PLA2G4A: variants seen among roughly 807,000 people sequenced by gnomAD.
PLA2G4A encodes phospholipase A2 group IVA.
In PLA2G4A, 40 loss-of-function variants were observed where a neutral mutation model predicts 81.9. The observed-to-expected ratio is 0.49, with a 90% CI of 0.38 to 0.64. The LOEUF is 0.64. Ranked by LOEUF, PLA2G4A falls within the 30% of genes least tolerant of loss-of-function variation. The pLI is 0.00. For missense variants in PLA2G4A, 715 were observed against 905.1 expected (o/e 0.79, Z 2.69); for synonymous variants, 302 against 296.9 (o/e 1.02, Z -0.18).
chr1:186,970,661 A>G (rs1156500384), intron 15 of PLA2G4A, among the ~76,000 whole-genome samples: 1 of 151,978 alleles, frequency 6.6e-6, no homozygotes, highest in Non-Finnish European at 1.5e-5. Flanking sequence ...TTTTGAAGAG[A>G]CTATCCCTTC....
At chr1:186,927,964 G>C (rs1402759642) in intron 7 of PLA2G4A, among the ~76,000 whole-genome samples, 3 of 152,098 alleles carry the variant, frequency 2.0e-5, no homozygotes, top group Non-Finnish European at 4.4e-5. Context: ...TCTTTCAGTT[G>C]GTAAAGGTCG....
At chr1:186,856,671 A>G (rs994989688) in intron 2 of PLA2G4A, among the ~76,000 whole-genome samples, 2 of 152,008 alleles carry the variant, frequency 1.3e-5, no homozygotes, top group African/African-American at 4.8e-5. Context: ...TAATAACCAT[A>G]AGATAATGTA....
At chr1:186,897,720 G>T (rs569601184) in intron 5 of PLA2G4A, among the ~76,000 whole-genome samples, 1 of 152,178 alleles carries the variant, frequency 6.6e-6, no homozygotes, top group Non-Finnish European at 1.5e-5. Flanking sequence ...TGTTGGCCAG[G>T]CTGGTCTCAA....
chr1:186,852,861 C>T (rs1020170224), intron 1 of PLA2G4A, among the ~76,000 whole-genome samples: 31 of 151,732 alleles, frequency 2.0e-4, no homozygotes, highest in African/African-American at 5.6e-4. Context: ...AATAAGAAAA[C>T]GCAAAACAAA....
chr1:186,984,054 T>C (rs1460013525), intron 17 of PLA2G4A, among the ~76,000 whole-genome samples: 1 of 152,174 alleles, frequency 6.6e-6, no homozygotes, highest in Admixed American at 6.5e-5. Flanking sequence ...GAACAGTGAC[T>C]TGCTTTATTT....
chr1:186,893,794 C>T (rs1297858704), intron 4 of PLA2G4A, among the ~76,000 whole-genome samples: 1 of 151,430 alleles, frequency 6.6e-6, no homozygotes, highest in African/African-American at 2.4e-5. Flanking sequence ...TGTGGTGGCG[C>T]TTGCTTGTAA....
intron 1 of PLA2G4A, among the ~76,000 whole-genome samples, chr1:186,832,720 TTTTCTC>T (rs1462618692): frequency 2.6e-5 from 4 of 152,200 alleles, no homozygotes; most frequent in African/African-American, 4.8e-5. Context: ...TTTAAAAAAT[TTTTCTC>T]TTTCAATTTC....
chr1:186,852,297 A>G (rs752488775), intron 1 of PLA2G4A, among the ~76,000 whole-genome samples: 28 of 151,996 alleles, frequency 1.8e-4, no homozygotes, highest in Non-Finnish European at 3.8e-4. Context: ...TGCCAATTTT[A>G]AATAATACAG....
chr1:186,881,369 AG>A (rs1558395884), intron 3 of PLA2G4A, among the ~76,000 whole-genome samples: 2 of 152,100 alleles, frequency 1.3e-5, no homozygotes, highest in African/African-American at 4.8e-5. Flanking sequence ...GCAATGCTCA[AG>A]TTGTTGTAAA....
At chr1:186,897,929 C>G (rs954398005) in intron 5 of PLA2G4A, among the ~76,000 whole-genome samples, 1 of 152,118 alleles carries the variant, frequency 6.6e-6, no homozygotes, top group Non-Finnish European at 1.5e-5. Flanking sequence ...AACATGGTAT[C>G]CAATAGGTAG....
intron 2 of PLA2G4A, among the ~76,000 whole-genome samples, chr1:186,857,344 A>G (rs1401205889): frequency 4.1e-5 from 5 of 123,130 alleles, no homozygotes; most frequent in Non-Finnish European, 8.0e-5. Context: ...AATATTATAT[A>G]TATTATAAAT....
intron 7 of PLA2G4A, among the ~76,000 whole-genome samples, chr1:186,923,430 C>T (rs1307492538): frequency 1.3e-5 from 2 of 152,150 alleles, no homozygotes; most frequent in Admixed American, 1.3e-4. Context: ...ATTACAAATT[C>T]TTTTCATTTC....
At chr1:186,898,975 C>T (rs1029457774) in intron 5 of PLA2G4A, among the ~76,000 whole-genome samples, 2 of 152,110 alleles carry the variant, frequency 1.3e-5, no homozygotes, top group Non-Finnish European at 2.9e-5. Flanking sequence ...TTAGGCACTG[C>T]CTATTTCAGC....
At chr1:186,865,639 T>C (rs1025567505) in intron 2 of PLA2G4A, among the ~76,000 whole-genome samples, 2 of 152,184 alleles carry the variant, frequency 1.3e-5, no homozygotes, top group Non-Finnish European at 2.9e-5. Context: ...TTAGGTTGAA[T>C]AGAGAAAAAC....
chr1:186,974,201 A>T (rs913354801), intron 15 of PLA2G4A, among the ~76,000 whole-genome samples: 4 of 152,174 alleles, frequency 2.6e-5, no homozygotes, highest in African/African-American at 9.6e-5. Context: ...TTTACAAATA[A>T]CATTTATTTA....
intron 7 of PLA2G4A, among the ~76,000 whole-genome samples, chr1:186,930,025 C>T (rs954968895): frequency 2.0e-5 from 3 of 152,272 alleles, no homozygotes; most frequent in Middle Eastern, 3.4e-3. Flanking sequence ...AACCCCGTCT[C>T]TATGCCAGTA....
intron 10 of PLA2G4A, among the ~76,000 whole-genome samples, chr1:186,945,537 A>G (rs2102231141): frequency 6.6e-6 from 1 of 152,280 alleles, no homozygotes; most frequent in East Asian, 1.9e-4. Flanking sequence ...GAATACAGCA[A>G]TTTGTATCAG....
chr1:186,858,689 T>C (rs1430234640), intron 2 of PLA2G4A, among the ~76,000 whole-genome samples: 10 of 152,126 alleles, frequency 6.6e-5, no homozygotes, highest in African/African-American at 2.4e-4. Context: ...ATTTAGGCTA[T>C]AGTAATTACC....
chr1:186,977,144 G>T (rs1176045200), intron 15 of PLA2G4A, among the ~76,000 whole-genome samples: 1 of 152,166 alleles, frequency 6.6e-6, no homozygotes, highest in Non-Finnish European at 1.5e-5. Flanking sequence ...TACATAAAAT[G>T]AATGAAGTTT....
Sources: allele counts gnomAD v4.1 joint callset (sites outside exome capture counted in the v4.1 genomes callset), GRCh38; gene constraint gnomAD v4.1.1; transcripts MANE v1.5; gene names NCBI Gene and HGNC (gene_info 2026-07-23, HGNC 2026-07-21).